The following NFKB1 variants were observed in gnomAD, a reference collection of about 807,000 sequenced individuals.
NFKB1 encodes nuclear factor kappa B subunit 1.
In NFKB1, 9 loss-of-function variants were observed where a neutral mutation model predicts 105.1. The observed-to-expected ratio is 0.09, with a 90% CI of 0.05 to 0.15. The LOEUF is 0.15. NFKB1 is among the 10% of genes least tolerant of loss of function. The probability of loss-of-function intolerance (pLI) is 1.00; values close to 1 mark genes in which losing one functional copy is unlikely to be tolerated. For synonymous variants in NFKB1, 440 were observed against 442.2 expected, an observed-to-expected ratio of 1.00 and a Z score of 0.06; for missense variants, 830 against 1,203.7, an observed-to-expected ratio of 0.69 and a Z score of 4.59.
Position 102,510,933 on chromosome 4 carries a change from A to G in NFKB1, c.-8+9145A>G, listed in dbSNP as rs188317269. 9,561 of 1,285,530 alleles carry G rather than the reference A, an allele frequency of 7.4e-3. 50 individuals carry two copies. Among genetic ancestry groups the G allele is most frequent in the Non-Finnish European group, 9.0e-3 (8,916 of 986,648 alleles). 79.6% of individuals were successfully genotyped at this position (1,285,530 alleles called of 1,614,324 possible). On this transcript the variant is annotated intron_variant, in intron 1 of 23. Coordinates refer to ENST00000226574, the MANE Select transcript of NFKB1 (RefSeq NM_003998.4). ...AAAGACAGAAGCATATCTTGGAGATATGAAAAGAACCACCAGGTAAACTAA... is the reference window on the plus strand; with the variant it reads ...AAAGACAGAAGCATATCTTGGAGATGTGAAAAGAACCACCAGGTAAACTAA...
At chr4:102,539,727 A>G (rs1279185321) in intron 5 of NFKB1, among the ~76,000 whole-genome samples, 2 of 152,192 alleles carry the variant, frequency 1.3e-5, no homozygotes, top group South Asian at 2.1e-4. Flanking sequence ...TGTGAACCCA[A>G]ACAGACTCAG....
intron 5 of NFKB1, among the ~76,000 whole-genome samples, chr4:102,539,250 A>AG (rs1242661565): frequency 6.6e-6 from 1 of 151,406 alleles, no homozygotes; most frequent in Non-Finnish European, 1.5e-5. Context: ...AAAAAAAAAA[A>AG]AAAAAAAGAA....
intron 9 of NFKB1, among the ~76,000 whole-genome samples, chr4:102,581,849 A>T (rs1001126316): frequency 1.3e-5 from 2 of 152,216 alleles, no homozygotes; most frequent in Non-Finnish European, 2.9e-5. Context: ...AATGTCTTGT[A>T]CTTGGCTTAA....
At chr4:102,543,879 A>G (rs72931412) in intron 5 of NFKB1, among the ~76,000 whole-genome samples, 1,700 of 152,248 alleles carry the variant, frequency 0.011, 42 homozygotes, top group African/African-American at 0.038. Flanking sequence ...TGCGTATAGA[A>G]CCTAGTTCAT....
At chr4:102,528,378 G>A (rs1741064270) in intron 2 of NFKB1, among the ~76,000 whole-genome samples, 1 of 152,154 alleles carries the variant, frequency 6.6e-6, no homozygotes, top group Non-Finnish European at 1.5e-5. Flanking sequence ...GCATTGAAGT[G>A]AAGCGCATTC....
intron 7 of NFKB1, among the ~76,000 whole-genome samples, 197 bp downstream of exon 7, chr4:102,577,236 C>A (rs563271057): frequency 3.9e-5 from 6 of 152,278 alleles, no homozygotes; most frequent in African/African-American, 1.4e-4. Context: ...TCATACAAAG[C>A]CCTGCTTCTC....
chr4:102,558,768 A>C (rs1017405060), intron 5 of NFKB1, among the ~76,000 whole-genome samples: 2 of 152,130 alleles, frequency 1.3e-5, no homozygotes, highest in Admixed American at 1.3e-4. Flanking sequence ...CTCCTACCTC[A>C]GTCTCCCAAG....
At chr4:102,615,359 A>G (rs34771751) in intron 23 of NFKB1, among the ~76,000 whole-genome samples, 16 of 152,286 alleles carry the variant, frequency 1.1e-4, no homozygotes, top group African/African-American at 3.1e-4. Context: ...AGTCTGACCA[A>G]CCTTTTGACT....
chr4:102,514,048 G>A (rs576990649), intron 1 of NFKB1, among the ~76,000 whole-genome samples: 6 of 151,806 alleles, frequency 4.0e-5, no homozygotes, highest in African/African-American at 1.2e-4. Context: ...TGTGGTGGGC[G>A]CCTGTAGTCC....
At chr4:102,508,586 C>T (rs2149095947) in intron 1 of NFKB1, among the ~76,000 whole-genome samples, 1 of 152,248 alleles carries the variant, frequency 6.6e-6, no homozygotes, top group East Asian at 1.9e-4. Flanking sequence ...TGGGGAACTA[C>T]TTTTCAGAGG....
chr4:102,576,516 T>C (rs1469117118), intron 6 of NFKB1, among the ~76,000 whole-genome samples: 1 of 152,214 alleles, frequency 6.6e-6, no homozygotes, highest in Non-Finnish European at 1.5e-5. Context: ...TCCAAGTTTA[T>C]TGCAGACTCA....
rs1307630927 is a variant in NFKB1, at chr4:102,567,055, G to A, written c.327G>A (p.Leu109=). The part of the protein sequence containing the change: ...QLVTNGKNIH[L]HAHSLVGKHC... ...TCACAAATGGAAAAAATATCCACCT[G>A]CATGCCCACAGCCTGGTGGGAAAAC... Residue 109 remains leucine, a synonymous_variant, in exon 6 of 24, where the codon CTG becomes CTA. Coordinates refer to ENST00000226574, the MANE Select transcript of NFKB1 (RefSeq NM_003998.4). 8.7e-6 allele frequency: 14 copies of A among 1,614,012 alleles called. No homozygotes were observed. Among genetic ancestry groups the A allele is most frequent in the Non-Finnish European group, 1.2e-5 (14 of 1,179,928 alleles).
chr4:102,521,923 ATACT>A (rs1272034995), intron 1 of NFKB1, among the ~76,000 whole-genome samples: 1 of 152,250 alleles, frequency 6.6e-6, no homozygotes, highest in Non-Finnish European at 1.5e-5. Context: ...CTAGCTAGCT[ATACT>A]TTCTATTTCT....
At chr4:102,543,268 G>C (rs1388810818) in intron 5 of NFKB1, among the ~76,000 whole-genome samples, 8 of 152,234 alleles carry the variant, frequency 5.3e-5, no homozygotes, top group African/African-American at 1.9e-4. Flanking sequence ...TCCTCCTCTA[G>C]AGTGACCAGA....
At chr4:102,563,941 G>A (rs904746628) in intron 5 of NFKB1, among the ~76,000 whole-genome samples, 1 of 150,466 alleles carries the variant, frequency 6.6e-6, no homozygotes, top group Non-Finnish European at 1.5e-5. Flanking sequence ...CCTGCCGCCT[G>A]CCGAATAGCT....
chr4:102,504,702 A>C (rs1346335671), intron 1 of NFKB1, among the ~76,000 whole-genome samples: 1 of 152,188 alleles, frequency 6.6e-6, no homozygotes, highest in Non-Finnish European at 1.5e-5. Context: ...TACTGAACTC[A>C]CTTGTAGTGT....
At chr4:102,573,786 A>G (rs189781905) in intron 6 of NFKB1, among the ~76,000 whole-genome samples, 17 of 151,818 alleles carry the variant, frequency 1.1e-4, no homozygotes, top group African/African-American at 3.9e-4. Context: ...ACGTTCACCA[A>G]TATTTTTGTC....
rs181319517 is a variant in NFKB1, at chr4:102,540,774, C to T, written c.258+2818C>T. ...GGGTAGGAGAGAAAGAAAGAGACAACGGCCAGGTATTTTTTTTTTCCAGAG... is the reference window on the plus strand; with the variant it reads ...GGGTAGGAGAGAAAGAAAGAGACAATGGCCAGGTATTTTTTTTTTCCAGAG... On this transcript the variant is annotated intron_variant, in intron 5 of 23. Coordinates refer to ENST00000226574, the MANE Select transcript of NFKB1 (RefSeq NM_003998.4). Among the ~76,000 whole-genome samples, 67 of 151,998 alleles carry T rather than the reference C, an allele frequency of 4.4e-4. No individual in the cohort carries two copies. The East Asian group carries it at 8.5e-3, about 19-fold the overall frequency.
At chr4:102,595,077 A>G (rs1230828286) in intron 13 of NFKB1, 96 bp downstream of exon 13, 1 of 702,030 alleles carries the variant, frequency 1.4e-6, no homozygotes. Flanking sequence ...CAGTATTATC[A>G]TCTTGACAAA....
Sources: allele counts gnomAD v4.1 joint callset (sites outside exome capture counted in the v4.1 genomes callset), GRCh38; gene constraint gnomAD v4.1.1; transcripts MANE v1.5; gene names NCBI Gene and HGNC (gene_info 2026-07-23, HGNC 2026-07-21).